ADAM12: variants seen among roughly 807,000 people sequenced by gnomAD.
ADAM12 encodes disintegrin and metalloproteinase domain-containing protein 12.
In ADAM12, 70 loss-of-function variants were observed where a neutral mutation model predicts 106.4. The observed-to-expected ratio is 0.66, with a 90% CI of 0.54 to 0.80. ADAM12 has a LOEUF of 0.80. Ranked by LOEUF, ADAM12 falls within the 30% of genes least tolerant of loss-of-function variation. The probability of loss-of-function intolerance (pLI) is 0.00; values close to 1 mark genes in which losing one functional copy is unlikely to be tolerated. For synonymous variants in ADAM12, 420 were observed against 433.5 expected, an observed-to-expected ratio of 0.97 and a Z score of 0.39; for missense variants, 1,010 against 1,171.9, an observed-to-expected ratio of 0.86 and a Z score of 2.02.
intron 3 of ADAM12, among the ~76,000 whole-genome samples, chr10:126,195,304 G>A (rs1957576592): frequency 6.6e-6 from 1 of 152,208 alleles, no homozygotes; most frequent in African/African-American, 2.4e-5. Context: ...GTCAGGTGTG[G>A]TGGCTCATGT....
At chr10:126,056,404 C>G (rs1365234246) in intron 14 of ADAM12, among the ~76,000 whole-genome samples, 1 of 152,176 alleles carries the variant, frequency 6.6e-6, no homozygotes, top group East Asian at 1.9e-4. Context: ...GAATCAAAGG[C>G]CCGAATGCAT....
chr10:126,103,668 G>A (rs1001838167), intron 8 of ADAM12, among the ~76,000 whole-genome samples: 1 of 152,102 alleles, frequency 6.6e-6, no homozygotes, highest in African/African-American at 2.4e-5. Context: ...CTTCCAAGAC[G>A]GCCCACTGTG....
intron 5 of ADAM12, among the ~76,000 whole-genome samples, chr10:126,128,096 T>A (rs1956235502): frequency 6.6e-6 from 1 of 152,130 alleles, no homozygotes; most frequent in Non-Finnish European, 1.5e-5. Flanking sequence ...TTGCCCATTA[T>A]CACTGAGAGG....
At position 126,043,987 on chromosome 10, in the gene ADAM12, C is replaced by G. The variant is rs1026409146; in HGVS notation, c.1996-839G>C. ...TGCAGGGGCCAGCAGCCCCTGCCCA[C>G]CTGGTTACCAAGGGCTACTGATGGC... On this transcript the variant is annotated intron_variant, in intron 17 of 22. Coordinates refer to ENST00000448723, the MANE Select transcript of ADAM12 (RefSeq NM_001288973.2). This position sits in a 1 kb window ranked among gnomAD's most constrained non-coding sequence, Gnocchi z 4.1. 2.0e-5 allele frequency among the ~76,000 whole-genome samples: 3 copies of G among 152,158 alleles called. No homozygotes were observed. Among genetic ancestry groups the G allele is most frequent in the Non-Finnish European group, 4.4e-5 (3 of 68,034 alleles).
intron 1 of ADAM12, among the ~76,000 whole-genome samples, chr10:126,332,302 T>A (rs1034142112): frequency 2.6e-5 from 4 of 152,172 alleles, no homozygotes; most frequent in African/African-American, 7.2e-5. Flanking sequence ...GACCCTCATC[T>A]CTTGAACACA....
chr10:126,096,524 C>G (rs1955561662), intron 10 of ADAM12, among the ~76,000 whole-genome samples: 1 of 152,220 alleles, frequency 6.6e-6, no homozygotes, highest in Non-Finnish European at 1.5e-5. Flanking sequence ...GTACTACAAT[C>G]CTGTTTTCAA....
intron 3 of ADAM12, among the ~76,000 whole-genome samples, chr10:126,234,398 C>G (rs2133633113): frequency 6.6e-6 from 1 of 152,316 alleles, no homozygotes; most frequent in Middle Eastern, 3.4e-3. Flanking sequence ...TGTTTGAAAG[C>G]CAGTTAGATT....
intron 16 of ADAM12, among the ~76,000 whole-genome samples, chr10:126,048,001 A>G (rs1349952182): frequency 6.6e-6 from 1 of 152,212 alleles, no homozygotes; most frequent in Non-Finnish European, 1.5e-5. Flanking sequence ...AGGAACATGG[A>G]TGGAACTGGA....
chr10:126,018,887 T>C lies in ADAM12; in HGVS notation c.2660+808A>G, dbSNP rs554267869. Among the ~76,000 whole-genome samples the C allele has an allele frequency of 5.6e-4, 86 of 152,308 alleles. 2 individuals are homozygous for C. The highest frequency in any genetic ancestry group is 2.6e-4 in the Admixed American group (4 of 15,306). The stretch of plus-strand genomic sequence containing the variant: ...CCCCATATGTCCCTTGCTCCAGCCG[T>C]ATGCCTCCAACCCGACTAATGTCTC... On this transcript the variant is annotated intron_variant, in intron 22 of 22. Coordinates refer to ENST00000448723, the MANE Select transcript of ADAM12 (RefSeq NM_001288973.2).
intron 18 of ADAM12, 84 bp from the exon 19 acceptor site, chr10:126,039,513 G>T: frequency 6.5e-7 from 1 of 1,545,322 alleles, no homozygotes; most frequent in Non-Finnish European, 8.9e-7. Flanking sequence ...TTATGGCAAA[G>T]TGAACTCTGA....
intron 3 of ADAM12, among the ~76,000 whole-genome samples, chr10:126,165,170 A>T (rs1429632080): frequency 6.6e-6 from 1 of 151,466 alleles, no homozygotes; most frequent in East Asian, 1.9e-4. Flanking sequence ...GCCTTGGGGC[A>T]TTCACTTTTT....
At chr10:126,193,179 C>T (rs1013264012) in intron 3 of ADAM12, among the ~76,000 whole-genome samples, 22 of 137,644 alleles carry the variant, frequency 1.6e-4, no homozygotes, top group African/African-American at 6.1e-4. Context: ...GCAAGAGAAT[C>T]ACTTGAACCC....
At position 126,064,749 on chromosome 10, in the gene ADAM12, C is replaced by T; in HGVS notation, c.1609+57G>A. 1 of 1,518,698 alleles carries T rather than the reference C, an allele frequency of 6.6e-7. No homozygotes were observed. Among genetic ancestry groups the T allele is most frequent in the Non-Finnish European group, 8.8e-7 (1 of 1,130,150 alleles). The allele number at this position is 1,518,698 out of a possible 1,614,324, so 94.1% of individuals were successfully genotyped here. A position where few individuals can be genotyped will look rare whatever the true frequency, so the allele number is the denominator to read the frequency against. On this transcript the variant is annotated intron_variant, in intron 14 of 22. Transcript: ENST00000448723. The surrounding 1 kb of genome is among the most constrained non-coding windows in gnomAD (Gnocchi z 4.4). ...CAAAACAGAGCACATGCCCCCAGTC[C>T]CACAGCCCAGGTCTGCCAGTGCCTC... is the stretch of plus-strand genomic sequence containing the variant.
chr10:126,230,234 G>A (rs1958283826), intron 3 of ADAM12, among the ~76,000 whole-genome samples: 1 of 152,142 alleles, frequency 6.6e-6, no homozygotes, highest in Admixed American at 6.5e-5. Context: ...CACTCGTAGA[G>A]GGGTCAGGGA....
intron 2 of ADAM12, among the ~76,000 whole-genome samples, chr10:126,302,998 T>C (rs1960689080): frequency 6.6e-6 from 1 of 152,082 alleles, no homozygotes; most frequent in Admixed American, 6.5e-5. Flanking sequence ...AAAAAAGAAC[T>C]CAAGAATGGA....
intron 6 of ADAM12, among the ~76,000 whole-genome samples, chr10:126,111,074 C>G (rs538388172): frequency 6.6e-6 from 1 of 152,156 alleles, no homozygotes; most frequent in South Asian, 2.1e-4. Context: ...CCCATCAGTC[C>G]GGGATCTTCC....
At chr10:126,100,895 A>T (rs1399046603) in intron 9 of ADAM12, among the ~76,000 whole-genome samples, 177 bp downstream of exon 9, 1 of 152,152 alleles carries the variant, frequency 6.6e-6, no homozygotes, top group East Asian at 1.9e-4. Flanking sequence ...TTCCTAGCAG[A>T]CCTTCAGTTC....
At chr10:126,270,297 G>C (rs1392472509) in intron 3 of ADAM12, among the ~76,000 whole-genome samples, 1 of 152,166 alleles carries the variant, frequency 6.6e-6, no homozygotes, top group Non-Finnish European at 1.5e-5. Flanking sequence ...AGCTGAAGAG[G>C]TGTGGTCACT....
At chr10:126,112,732 C>T (rs369559094) in intron 6 of ADAM12, among the ~76,000 whole-genome samples, 22 of 152,174 alleles carry the variant, frequency 1.4e-4, no homozygotes, top group East Asian at 5.8e-4. Context: ...AACATTTATT[C>T]ATCCCATGCT....
Sources: allele counts gnomAD v4.1 joint callset (sites outside exome capture counted in the v4.1 genomes callset), GRCh38; gene constraint gnomAD v4.1.1; non-coding constraint Gnocchi (gnomAD v3.1); transcripts MANE v1.5; gene names NCBI Gene and HGNC (gene_info 2026-07-23, HGNC 2026-07-21).